PDE1C: variants seen among roughly 807,000 people sequenced by gnomAD.
PDE1C encodes phosphodiesterase 1C, also known as dual specificity calcium/calmodulin-dependent 3',5'-cyclic nucleotide phosphodiesterase 1C.
PDE1C carries 62 observed loss-of-function variants against 93.1 expected under a neutral mutation model. The ratio of observed to expected loss-of-function variants is 0.67; its 90% CI spans 0.54 to 0.82. The LOEUF is 0.82. PDE1C is among the 40% of genes least tolerant of loss of function. The pLI is 0.00. For synonymous variants in PDE1C, 325 were observed against 310.1 expected (o/e 1.05, Z -0.50); for missense variants, 742 against 884.6 (o/e 0.84, Z 2.04).
At chr7:31,670,867 A>G in the PDE1C span, among the ~76,000 whole-genome samples, 4 of 152,136 alleles carry the variant, frequency 2.6e-5, no homozygotes, top group Non-Finnish European at 2.9e-5. Context: ...GGCAGCAGAG[A>G]GGAGAAGCAG....
At chr7:32,021,542 G>A (rs889351278) in intron 2 of PDE1C, among the ~76,000 whole-genome samples, 2 of 152,054 alleles carry the variant, frequency 1.3e-5, no homozygotes, top group African/African-American at 2.4e-5. Context: ...TACCCACACA[G>A]GAAGTAAAAA....
chr7:32,063,210 A>G (rs1164064235), intron 1 of PDE1C, among the ~76,000 whole-genome samples: 2 of 152,238 alleles, frequency 1.3e-5, no homozygotes, highest in Admixed American at 6.5e-5. Flanking sequence ...AATGTGCCTT[A>G]TATTTGTTAA....
intron 2 of PDE1C, among the ~76,000 whole-genome samples, chr7:31,905,925 C>A (rs1394890925): frequency 7.2e-5 from 11 of 152,134 alleles, no homozygotes; most frequent in African/African-American, 2.4e-4. Context: ...CTGGGCACTT[C>A]TTGCTGCAAG....
chr7:31,956,916 T>C (rs1808228789), intron 2 of PDE1C, among the ~76,000 whole-genome samples: 1 of 152,212 alleles, frequency 6.6e-6, no homozygotes, highest in Non-Finnish European at 1.5e-5. Flanking sequence ...TGCTTCCGTA[T>C]GCAGAAGAGA....
At chr7:31,737,613 C>A in the PDE1C span, among the ~76,000 whole-genome samples, 45 of 152,002 alleles carry the variant, frequency 3.0e-4, no homozygotes, top group Admixed American at 1.7e-3. Context: ...ACCAGCCTGG[C>A]AAACATGGTG....
chr7:31,684,773 A>C, the PDE1C span, among the ~76,000 whole-genome samples: 1 of 152,212 alleles, frequency 6.6e-6, no homozygotes, highest in Non-Finnish European at 1.5e-5. Context: ...GCAACACCAA[A>C]TTCTGGTGAA....
chr7:31,654,166 C>T, the PDE1C span, among the ~76,000 whole-genome samples: 3 of 151,918 alleles, frequency 2.0e-5, no homozygotes, highest in Non-Finnish European at 2.9e-5. Flanking sequence ...GTACTGCATT[C>T]ATCAGGGTGC....
the PDE1C span, among the ~76,000 whole-genome samples, chr7:31,622,342 A>T: frequency 2.6e-5 from 4 of 152,176 alleles, no homozygotes; most frequent in East Asian, 1.9e-4. Flanking sequence ...TCAAAAATTG[A>T]CCAGATAGTT....
At chr7:31,650,337 A>G in the PDE1C span, among the ~76,000 whole-genome samples, 1 of 152,166 alleles carries the variant, frequency 6.6e-6, no homozygotes, top group Non-Finnish European at 1.5e-5. Flanking sequence ...TCCCAGGGAC[A>G]CAGCCTTGTG....
intron 4 of PDE1C, 152 bp downstream of exon 4, chr7:31,878,844 T>A: frequency 1.4e-6 from 1 of 692,066 alleles, no homozygotes; most frequent in Middle Eastern, 2.7e-4. Flanking sequence ...AGATATGTTT[T>A]TGCCATTTCT....
chr7:31,687,127 C>T, the PDE1C span: 2 of 152,396 alleles, frequency 1.3e-5, no homozygotes, highest in Admixed American at 6.5e-5. Context: ...CTCCATCCCC[C>T]TTGCCCTGGT....
chr7:31,879,626 C>T (rs980724891), intron 3 of PDE1C, among the ~76,000 whole-genome samples: 4 of 152,108 alleles, frequency 2.6e-5, no homozygotes, highest in Admixed American at 6.6e-5. Flanking sequence ...AGTAGTGATC[C>T]TAAGTGATGA....
At chr7:32,283,491 T>C (rs762555466) in intron 1 of PDE1C, among the ~76,000 whole-genome samples, 1 of 152,214 alleles carries the variant, frequency 6.6e-6, no homozygotes, top group African/African-American at 2.4e-5. Context: ...ATAATAATTG[T>C]TAAAATAGTA....
At chr7:32,245,430 C>T (rs905939601) in intron 1 of PDE1C, among the ~76,000 whole-genome samples, 2 of 152,188 alleles carry the variant, frequency 1.3e-5, no homozygotes, top group African/African-American at 4.8e-5. Flanking sequence ...AAGCAGAATT[C>T]ATTTCTGTGA....
the PDE1C span, chr7:31,707,153 T>C: frequency 6.5e-7 from 1 of 1,541,672 alleles, no homozygotes; most frequent in Non-Finnish European, 8.9e-7. Context: ...CAACGTTGCC[T>C]AATGTTTTAA....
chr7:31,997,809 A>G (rs1316711552), intron 2 of PDE1C, among the ~76,000 whole-genome samples: 3 of 152,142 alleles, frequency 2.0e-5, no homozygotes, highest in Admixed American at 2.0e-4. Flanking sequence ...CTTTGTCTCA[A>G]AGAAAACGTA....
At chr7:32,336,231 C>T (rs912976962) in intron 1 of PDE1C, among the ~76,000 whole-genome samples, 1 of 152,090 alleles carries the variant, frequency 6.6e-6, no homozygotes, top group Non-Finnish European at 1.5e-5. Context: ...ATTTTTTTCA[C>T]ACTCCTCTAT....
chr7:32,114,202 T>C (rs1375260632), intron 3 of PDE1C, among the ~76,000 whole-genome samples: 2 of 152,084 alleles, frequency 1.3e-5, no homozygotes, highest in South Asian at 2.1e-4. Flanking sequence ...GGAGGCATCA[T>C]GCTACCTGAC....
intron 1 of PDE1C, among the ~76,000 whole-genome samples, chr7:32,069,339 G>A (rs1011614990): frequency 6.6e-6 from 1 of 152,152 alleles, no homozygotes; most frequent in Non-Finnish European, 1.5e-5. Flanking sequence ...TTTCCCATCA[G>A]TGCCCTTGTT....
Sources: gnomAD v4.1 joint callset for allele counts (sites outside exome capture counted in the v4.1 genomes callset) on GRCh38, gnomAD v4.1.1 for gene constraint, MANE v1.5 for transcripts, NCBI Gene and HGNC (gene_info 2026-07-23, HGNC 2026-07-21) for gene names.